DYTN: variants seen among roughly 807,000 people sequenced by gnomAD.
The protein encoded by DYTN is dystrotelin.
In DYTN, 75 loss-of-function variants were observed where a neutral mutation model predicts 69.6. The ratio of observed to expected loss-of-function variants is 1.08; its 90% CI spans 0.89 to 1.31. DYTN has a LOEUF of 1.31. Ranked by LOEUF, DYTN falls within the 50% of genes most tolerant of loss-of-function variation. The pLI, the probability that DYTN is intolerant of heterozygous loss-of-function variation, is 0.00. For missense variants in DYTN, 726 were observed against 688.4 expected (o/e 1.05, Z -0.61); for synonymous variants, 252 against 249.1 (o/e 1.01, Z -0.11).
intron 5 of DYTN, among the ~76,000 whole-genome samples, chr2:206,703,022 C>T (rs1462061456): frequency 6.6e-6 from 1 of 152,084 alleles, no homozygotes; most frequent in East Asian, 1.9e-4. Context: ...TCTGTAATAG[C>T]AGTCAATGGG....
intron 9 of DYTN, among the ~76,000 whole-genome samples, chr2:206,685,838 T>C (rs886908962): frequency 5.3e-5 from 8 of 152,154 alleles, no homozygotes; most frequent in Admixed American, 6.5e-5. Context: ...TGAGTTCTTA[T>C]GACAGTTCTT....
At chr2:206,718,125 C>A in intron 1 of DYTN, 136 bp downstream of exon 1, 1 of 844,932 alleles carries the variant, frequency 1.2e-6, no homozygotes, top group Non-Finnish European at 1.7e-6. Context: ...CCACTTTAAT[C>A]AAATAACAGT....
intron 9 of DYTN, among the ~76,000 whole-genome samples, chr2:206,691,423 T>C (rs1032476922): frequency 6.6e-6 from 1 of 151,882 alleles, no homozygotes; most frequent in African/African-American, 2.4e-5. Context: ...AAAAAAAAAA[T>C]ATATATATGG....
chr2:206,696,750 A>G (rs1038805603), intron 7 of DYTN, among the ~76,000 whole-genome samples: 1 of 152,184 alleles, frequency 6.6e-6, no homozygotes, highest in African/African-American at 2.4e-5. Flanking sequence ...ACTATCCTAG[A>G]ATAGACCACC....
At chr2:206,704,340 T>A (rs1700004539) in intron 5 of DYTN, among the ~76,000 whole-genome samples, 1 of 152,186 alleles carries the variant, frequency 6.6e-6, no homozygotes, top group Admixed American at 6.5e-5. Flanking sequence ...AATGGCCTTG[T>A]GGGTAGATAG....
chr2:206,716,463 A>G (rs914487365), intron 1 of DYTN, among the ~76,000 whole-genome samples: 1 of 152,230 alleles, frequency 6.6e-6, no homozygotes, highest in South Asian at 2.1e-4. Flanking sequence ...CCCAAACAAG[A>G]GAGGTTGTTT....
chr2:206,665,878 C>T lies in DYTN; in HGVS notation c.1132G>A (p.Asp378Asn). 2 of 1,613,522 alleles carry T rather than the reference C, an allele frequency of 1.2e-6. No homozygotes were observed. The highest frequency in any genetic ancestry group is 1.7e-6 in the Non-Finnish European group (2 of 1,179,688). ...LWTKLQQIRR[D>N]LQARLQPPGP... Reference sequence around the variant, plus strand: ...TCCCTCACATTTTATACCTGTAGGTCCCGTCTTATCTGTTGTAGCTTGGTC... The same window carrying T: ...TCCCTCACATTTTATACCTGTAGGTTCCGTCTTATCTGTTGTAGCTTGGTC... The change falls in exon 10 of 12, where the codon GAC becomes AAC. Residue 378 changes from aspartate (D) to asparagine (N), a missense_variant. Transcript: ENST00000452335.
intron 9 of DYTN, among the ~76,000 whole-genome samples, chr2:206,688,975 T>C (rs1699838324): frequency 6.6e-6 from 1 of 152,214 alleles, no homozygotes; most frequent in Admixed American, 6.5e-5. Context: ...TTGAAGCCTA[T>C]TAATTCTAGT....
intron 9 of DYTN, among the ~76,000 whole-genome samples, chr2:206,669,998 GC>G (rs1211982091): frequency 1.3e-5 from 2 of 152,230 alleles, no homozygotes; most frequent in Non-Finnish European, 2.9e-5. Context: ...TTACTGGGGA[GC>G]CAGGAATTCT....
chr2:206,681,894 A>G (rs999141410), intron 9 of DYTN, among the ~76,000 whole-genome samples: 9 of 152,204 alleles, frequency 5.9e-5, no homozygotes, highest in Admixed American at 5.2e-4. Flanking sequence ...GCCTCATAAA[A>G]TAAGTTAAGG....
chr2:206,695,458 A>G (rs1699910011), intron 7 of DYTN, among the ~76,000 whole-genome samples: 2 of 152,252 alleles, frequency 1.3e-5, no homozygotes, highest in South Asian at 4.1e-4. Flanking sequence ...GAGGAGGGGA[A>G]TTCCTCACCA....
intron 7 of DYTN, among the ~76,000 whole-genome samples, chr2:206,698,812 T>A (rs1015433459): frequency 6.6e-6 from 1 of 152,244 alleles, no homozygotes; most frequent in South Asian, 2.1e-4. Context: ...AGATCAAGCC[T>A]GAGTTGTTCT....
chr2:206,670,142 A>G (rs772638629), intron 9 of DYTN, among the ~76,000 whole-genome samples: 8 of 152,224 alleles, frequency 5.3e-5, no homozygotes, highest in Non-Finnish European at 8.8e-5. Context: ...CTGTTGGATA[A>G]CAAGTACTGA....
intron 7 of DYTN, among the ~76,000 whole-genome samples, chr2:206,698,697 C>G (rs1699945769): frequency 6.6e-6 from 1 of 152,224 alleles, no homozygotes; most frequent in South Asian, 2.1e-4. Flanking sequence ...AACACTCTTT[C>G]TCTAAGATGG....
chr2:206,708,037 A>T (rs186023039), intron 2 of DYTN, among the ~76,000 whole-genome samples: 1 of 152,350 alleles, frequency 6.6e-6, no homozygotes, highest in African/African-American at 2.4e-5. Context: ...TTCTGTAAAG[A>T]TCTTTAGGCT....
intron 1 of DYTN, among the ~76,000 whole-genome samples, chr2:206,715,109 T>G (rs1700114748): frequency 2.0e-5 from 3 of 152,260 alleles, no homozygotes; most frequent in South Asian, 4.1e-4. Context: ...AGCTGCTCAC[T>G]GTGGCTGGAA....
chr2:206,690,949 C>T (rs13023948), intron 9 of DYTN, among the ~76,000 whole-genome samples: 30,107 of 151,912 alleles, frequency 0.2, 3,224 homozygotes, highest in African/African-American at 0.26. Flanking sequence ...GACTAAGTCA[C>T]GTTACAACTT....
intron 9 of DYTN, among the ~76,000 whole-genome samples, chr2:206,681,171 G>A (rs1170086574): frequency 6.6e-6 from 1 of 152,060 alleles, no homozygotes; most frequent in Non-Finnish European, 1.5e-5. Context: ...TTGGCTCTCT[G>A]CTTGTCTATT....
At chr2:206,681,701 C>T (rs555433913) in intron 9 of DYTN, among the ~76,000 whole-genome samples, 2 of 152,244 alleles carry the variant, frequency 1.3e-5, no homozygotes, top group East Asian at 1.9e-4. Context: ...TATGTTGAAC[C>T]AGCCTTGCAT....
Sources: allele counts gnomAD v4.1 joint callset (sites outside exome capture counted in the v4.1 genomes callset), GRCh38; gene constraint gnomAD v4.1.1; transcripts MANE v1.5; gene names NCBI Gene and HGNC (gene_info 2026-07-23, HGNC 2026-07-21).